The following ROBO2 variants were observed in gnomAD, a reference collection of about 807,000 sequenced individuals.
ROBO2 encodes the protein roundabout homolog 2.
Under a neutral mutation model 160.8 loss-of-function variants are expected in ROBO2, and 53 were observed. That is an observed-to-expected ratio of 0.33 (90% CI 0.26 to 0.41). The LOEUF (loss-of-function observed/expected upper bound fraction) is 0.41, where lower values mean the gene tolerates loss of function less well. Among genes scored for constraint, ROBO2 ranks in the 10% least tolerant of loss-of-function variants. The pLI is 1.00. For synonymous variants in ROBO2, 664 were observed against 611.7 expected, an observed-to-expected ratio of 1.09 and a Z score of -1.26; for missense variants, 1,577 against 1,722.4, an observed-to-expected ratio of 0.92 and a Z score of 1.49.
intron 2 of ROBO2, among the ~76,000 whole-genome samples, chr3:77,430,816 A>C (rs2078692506): frequency 6.6e-6 from 1 of 152,192 alleles, no homozygotes; most frequent in South Asian, 2.1e-4. Context: ...AGAGCAAACT[A>C]AGATATGTGT....
At chr3:76,971,640 T>C (rs2059577847) in intron 2 of ROBO2, among the ~76,000 whole-genome samples, 2 of 152,204 alleles carry the variant, frequency 1.3e-5, no homozygotes, top group Admixed American at 1.3e-4. Flanking sequence ...TGTGTGTTGA[T>C]TGCTTTAGAC....
intron 2 of ROBO2, among the ~76,000 whole-genome samples, chr3:76,995,988 G>C (rs1341130973): frequency 6.6e-6 from 1 of 152,112 alleles, no homozygotes; most frequent in Non-Finnish European, 1.5e-5. Flanking sequence ...GGCTTTTGTT[G>C]CCATTGCTTT....
chr3:76,180,782 T>A (rs1575772497), intron 2 of ROBO2, among the ~76,000 whole-genome samples: 1 of 152,294 alleles, frequency 6.6e-6, no homozygotes, highest in East Asian at 1.9e-4. Flanking sequence ...ACAACTCAAC[T>A]GCTTCAAAAC....
At chr3:76,333,240 G>A (rs1248450323) in intron 2 of ROBO2, among the ~76,000 whole-genome samples, 2 of 152,136 alleles carry the variant, frequency 1.3e-5, no homozygotes, top group Admixed American at 1.3e-4. Flanking sequence ...CTACCTGCCC[G>A]AGAAGGTTGT....
rs907919991 is a variant in ROBO2 at position 77,237,084 on chromosome 3, G to A, written c.388+138744G>A. Reference sequence around the variant, plus strand: ...GTCACTGTCTCATCACTTTGGCCAGGCTCTTCTCCAATTCCTGACCTCAAG... The same window carrying A: ...GTCACTGTCTCATCACTTTGGCCAGACTCTTCTCCAATTCCTGACCTCAAG... On this transcript the variant is annotated intron_variant, in intron 2 of 25. Coordinates refer to ENST00000461745, the Ensembl canonical transcript of ROBO2. Among the ~76,000 whole-genome samples the A allele has an allele frequency of 4.6e-5, 7 of 151,470 alleles. No individual in the cohort carries two copies. In the East Asian group the frequency reaches 1.4e-3, roughly 29 times the overall value.
chr3:76,237,249 A>G (rs532100279), intron 2 of ROBO2, among the ~76,000 whole-genome samples: 2 of 152,190 alleles, frequency 1.3e-5, no homozygotes, highest in African/African-American at 4.8e-5. Flanking sequence ...TTAATATAAA[A>G]ACTGTGAAAG....
intron 2 of ROBO2, among the ~76,000 whole-genome samples, chr3:76,470,824 T>C (rs754716497): frequency 6.6e-6 from 1 of 152,070 alleles, no homozygotes; most frequent in Non-Finnish European, 1.5e-5. Flanking sequence ...CATACATCAA[T>C]GGTATTTCCT....
At chr3:77,231,551 A>G (rs1448502695) in intron 2 of ROBO2, among the ~76,000 whole-genome samples, 1 of 151,864 alleles carries the variant, frequency 6.6e-6, no homozygotes, top group Non-Finnish European at 1.5e-5. Flanking sequence ...CTCACCTCCT[A>G]CTTTACTAAG....
intron 2 of ROBO2, among the ~76,000 whole-genome samples, chr3:76,687,817 A>G (rs984493651): frequency 6.6e-6 from 1 of 152,094 alleles, no homozygotes. Context: ...TCAATACCAG[A>G]TAAATGAAGT....
intron 11 of ROBO2, 98 bp downstream of exon 12, chr3:77,563,427 C>A: frequency 8.8e-7 from 1 of 1,132,580 alleles, no homozygotes; most frequent in East Asian, 2.4e-5. Flanking sequence ...AAAGACATGT[C>A]CAATCAATGC....
In ROBO2 at chr3:76,235,972, G is replaced by T. The variant is rs369198212; in HGVS notation, c.109+298370G>T. On this transcript the variant is annotated intron_variant, in intron 2 of 26. Coordinates refer to the ROBO2 transcript ENST00000487694. ...AGTTATCAAAAATAATAGAAATAAAGATGAATGGATTGGTAATTTCATATG... is the reference window on the plus strand; with the variant it reads ...AGTTATCAAAAATAATAGAAATAAATATGAATGGATTGGTAATTTCATATG... 6.6e-5 allele frequency among the ~76,000 whole-genome samples: 10 copies of T among 152,212 alleles called. No homozygotes were observed. In the South Asian group the frequency reaches 2.1e-3, roughly 32 times the overall value.
chr3:76,634,128 A>G (rs1444717742), intron 2 of ROBO2, among the ~76,000 whole-genome samples: 1 of 152,252 alleles, frequency 6.6e-6, no homozygotes, highest in Non-Finnish European at 1.5e-5. Context: ...TCAGCAAGCT[A>G]GCGAGCAAAA....
At chr3:76,746,450 A>T (rs1022693388) in intron 2 of ROBO2, among the ~76,000 whole-genome samples, 5 of 152,056 alleles carry the variant, frequency 3.3e-5, no homozygotes, top group Non-Finnish European at 1.5e-5. Flanking sequence ...AGTCCCACCA[A>T]CAGTGTAAAA....
At chr3:76,287,857 A>T (rs904113428) in intron 2 of ROBO2, among the ~76,000 whole-genome samples, 1 of 152,206 alleles carries the variant, frequency 6.6e-6, no homozygotes, top group Non-Finnish European at 1.5e-5. Flanking sequence ...GTGCTATGTA[A>T]TGTTACTGCT....
chr3:76,375,002 C>T (rs1355983281), intron 2 of ROBO2, among the ~76,000 whole-genome samples: 3 of 151,148 alleles, frequency 2.0e-5, no homozygotes, highest in Non-Finnish European at 3.0e-5. Flanking sequence ...AGAACCCCTC[C>T]AGAGTTCACG....
intron 2 of ROBO2, among the ~76,000 whole-genome samples, chr3:76,258,874 A>C (rs17140594): frequency 0.14 from 20,570 of 152,074 alleles, 2,173 homozygotes; most frequent in East Asian, 0.41. Flanking sequence ...AATTGAGTGT[A>C]AGCTATAATG....
intron 2 of ROBO2, among the ~76,000 whole-genome samples, chr3:77,175,881 T>G (rs1481196103): frequency 6.6e-6 from 1 of 151,988 alleles, no homozygotes; most frequent in Non-Finnish European, 1.5e-5. Context: ...CAGATAACGT[T>G]TTGGAAACGT....
At chr3:76,368,881 T>C (rs953834262) in intron 2 of ROBO2, among the ~76,000 whole-genome samples, 6 of 151,938 alleles carry the variant, frequency 3.9e-5, no homozygotes, top group African/African-American at 1.4e-4. Flanking sequence ...AAACATCCTC[T>C]CTCTTTGACG....
chr3:77,358,302 T>C (rs757778874), intron 2 of ROBO2, among the ~76,000 whole-genome samples: 9 of 152,170 alleles, frequency 5.9e-5, no homozygotes, highest in Non-Finnish European at 1.2e-4. Context: ...TCCAGTTCCT[T>C]CCTCTGTTCT....
Sources: allele counts gnomAD v4.1 joint callset (sites outside exome capture counted in the v4.1 genomes callset), GRCh38; gene constraint gnomAD v4.1.1; transcripts MANE v1.5; gene names NCBI Gene and HGNC (gene_info 2026-07-23, HGNC 2026-07-21).